SAMD8: variants seen among roughly 807,000 people sequenced by gnomAD.
SAMD8 encodes sterile alpha motif domain containing 8, also known as sphingomyelin synthase-related protein 1.
A neutral mutation model predicts 42.0 loss-of-function variants in SAMD8; 20 were observed. That is an observed-to-expected ratio of 0.48 (90% CI 0.34 to 0.69). SAMD8 has a LOEUF of 0.69. Among genes scored for constraint, SAMD8 ranks in the 30% least tolerant of loss-of-function variants. The probability of loss-of-function intolerance (pLI) is 0.01; values close to 1 mark genes in which losing one functional copy is unlikely to be tolerated. For synonymous variants in SAMD8, 162 were observed against 173.0 expected (o/e 0.94, Z 0.50); for missense variants, 328 against 511.6 (o/e 0.64, Z 3.46).
intron 1 of SAMD8, among the ~76,000 whole-genome samples, chr10:75,143,900 T>G (rs2134466752): frequency 6.6e-6 from 1 of 152,174 alleles, no homozygotes; most frequent in South Asian, 2.1e-4. Flanking sequence ...CACCTCTCAC[T>G]GATGTTCTTT....
At chr10:75,122,785 G>A (rs1849034646) in intron 1 of SAMD8, among the ~76,000 whole-genome samples, 1 of 151,948 alleles carries the variant, frequency 6.6e-6, no homozygotes, top group Non-Finnish European at 1.5e-5. Flanking sequence ...TCCTCTGTTA[G>A]CAGTTTTCTG....
intron 2 of SAMD8, among the ~76,000 whole-genome samples, 194 bp downstream of exon 2, chr10:75,151,300 GAGA>G (rs1840282829): frequency 6.6e-6 from 1 of 152,106 alleles, no homozygotes; most frequent in East Asian, 1.9e-4. Context: ...CTAGGTGTGT[GAGA>G]AAAACCACTG....
chr10:75,116,615 A>G (rs1052985575), intron 1 of SAMD8, among the ~76,000 whole-genome samples: 1 of 152,200 alleles, frequency 6.6e-6, no homozygotes, highest in Non-Finnish European at 1.5e-5. Flanking sequence ...AATCTGTTTT[A>G]GTTTGGAACT....
At position 75,180,842 on chromosome 10, in the gene SAMD8, C is replaced by T. The variant is rs1184155478; in HGVS notation, c.*4150C>T. ...AAACATCTGTTTGGAAAGTATTACTCATGTATTCACAAAGTCATATTTATA... is the reference window on the plus strand; with the variant it reads ...AAACATCTGTTTGGAAAGTATTACTTATGTATTCACAAAGTCATATTTATA... On this transcript the variant is annotated 3_prime_UTR_variant, in exon 6 of 6. Coordinates refer to ENST00000542569, the MANE Select transcript of SAMD8 (RefSeq NM_001174156.2). 1 of 152,156 alleles carries T rather than the reference C, an allele frequency of 6.6e-6. No individual in the cohort carries two copies. The highest frequency in any genetic ancestry group is 1.5e-5 in the Non-Finnish European group (1 of 68,038). 9.4% of individuals were successfully genotyped at this position (152,156 alleles called of 1,614,324 possible).
At chr10:75,103,824 T>A (rs1848325640) in intron 1 of SAMD8, 3 of 1,193,840 alleles carry the variant, frequency 2.5e-6, no homozygotes, top group Non-Finnish European at 3.3e-6. Context: ...CCCTCCCCAC[T>A]TTCCCAGGGA....
intron 1 of SAMD8, among the ~76,000 whole-genome samples, chr10:75,105,025 T>A (rs1589910975): frequency 6.6e-6 from 1 of 151,662 alleles, no homozygotes. Flanking sequence ...CATGGGGTGG[T>A]AGGGACAGCC....
Position 75,142,625 on chromosome 10 carries a change from C to T in SAMD8, c.-15-7889C>T, listed in dbSNP as rs1187083372. Among the ~76,000 whole-genome samples, 5 of 151,858 alleles carry T rather than the reference C, an allele frequency of 3.3e-5. No individual in the cohort carries two copies. In the South Asian group the frequency reaches 6.3e-4, roughly 19 times the overall value. Reference sequence around the variant, plus strand: ...CTAATTTTTGTATTTTTAGTAGAGACGGGGTTTCACCATGTTGGCCAGGAT... The same window carrying T: ...CTAATTTTTGTATTTTTAGTAGAGATGGGGTTTCACCATGTTGGCCAGGAT... On this transcript the variant is annotated intron_variant, in intron 1 of 5. Transcript: ENST00000542569.
chr10:75,110,796 G>A (rs1293564564), upstream of SAMD8, among the ~76,000 whole-genome samples: 1 of 152,130 alleles, frequency 6.6e-6, no homozygotes, highest in Non-Finnish European at 1.5e-5. Context: ...TGTGCTATAG[G>A]ATCCCCCTTG....
upstream of SAMD8, chr10:75,111,596 G>A: frequency 3.2e-6 from 4 of 1,251,344 alleles, no homozygotes; most frequent in Non-Finnish European, 4.0e-6. Context: ...CCGGCTCCCC[G>A]CCCCGGGCTC....
chr10:75,165,977 CAAAA>C (rs56839743), intron 3 of SAMD8, among the ~76,000 whole-genome samples: 4 of 62,526 alleles, frequency 6.4e-5, no homozygotes, highest in Non-Finnish European at 6.8e-5. Context: ...ACCCTGTCTC[CAAAA>C]AAAAAAAAAA....
At chr10:75,118,293 T>C (rs1194877923) in intron 1 of SAMD8, among the ~76,000 whole-genome samples, 1 of 152,224 alleles carries the variant, frequency 6.6e-6, no homozygotes, top group Non-Finnish European at 1.5e-5. Context: ...TGAAACTGTT[T>C]TGTAATTATT....
In SAMD8 at chr10:75,177,254, A is replaced by G. The variant is rs930770228; in HGVS notation, c.*562A>G. On this transcript the variant is annotated 3_prime_UTR_variant, in exon 6 of 6. Transcript: ENST00000542569. ...TACTGAGCATACCAGGATGCCTGAA[A>G]TAAGAAGAGAATGAAAGAGGCCATA... 2.6e-5 allele frequency: 4 copies of G among 152,416 alleles called. No individual in the cohort carries two copies. The highest frequency in any genetic ancestry group is 6.5e-5 in the Admixed American group (1 of 15,286). The allele number at this position is 152,416 out of a possible 1,614,324, so 9.4% of individuals were successfully genotyped here. A position where few individuals can be genotyped will look rare whatever the true frequency, so the allele number is the denominator to read the frequency against.
intron 1 of SAMD8, among the ~76,000 whole-genome samples, chr10:75,118,911 CAT>C (rs1848942901): frequency 6.6e-6 from 1 of 152,116 alleles, no homozygotes; most frequent in African/African-American, 2.4e-5. Context: ...GATCTGCAAA[CAT>C]GTAGTCTTTA....
At chr10:75,104,000 T>G in intron 1 of SAMD8, 1 of 1,356,082 alleles carries the variant, frequency 7.4e-7, no homozygotes, top group Non-Finnish European at 9.8e-7. Flanking sequence ...CACCATCTTC[T>G]GTGTGTCCGC....
chr10:75,126,410 T>G (rs1323164388), intron 1 of SAMD8, among the ~76,000 whole-genome samples: 1 of 152,096 alleles, frequency 6.6e-6, no homozygotes, highest in Non-Finnish European at 1.5e-5. Flanking sequence ...TTTGGATGAA[T>G]GCCACATTGC....
At chr10:75,149,710 G>T (rs1840236724) in intron 1 of SAMD8, among the ~76,000 whole-genome samples, 1 of 152,042 alleles carries the variant, frequency 6.6e-6, no homozygotes, top group African/African-American at 2.4e-5. Context: ...TCAGAAATCG[G>T]ATTTTTTTCT....
At chr10:75,116,849 T>G (rs1848893155) in intron 1 of SAMD8, among the ~76,000 whole-genome samples, 1 of 152,128 alleles carries the variant, frequency 6.6e-6, no homozygotes, top group South Asian at 2.1e-4. Context: ...CTCACTTCGT[T>G]GCCGAAGCCT....
chr10:75,158,233 TA>T (rs896678172), intron 2 of SAMD8, among the ~76,000 whole-genome samples: 4 of 150,434 alleles, frequency 2.7e-5, no homozygotes, highest in African/African-American at 9.8e-5. Context: ...AAGCAAAAAA[TA>T]AAAAAACAAA....
chr10:75,128,073 A>AT (rs11353511), intron 1 of SAMD8, among the ~76,000 whole-genome samples: 1,790 of 119,228 alleles, frequency 0.015, 24 homozygotes, highest in African/African-American at 0.028. Flanking sequence ...TTCTTCTTTA[A>AT]TTTTTTTTTT....
Sources: gnomAD v4.1 joint callset for allele counts (sites outside exome capture counted in the v4.1 genomes callset) on GRCh38, gnomAD v4.1.1 for gene constraint, MANE v1.5 for transcripts, NCBI Gene and HGNC (gene_info 2026-07-23, HGNC 2026-07-21) for gene names.